HBS1L: variants seen among roughly 807,000 people sequenced by gnomAD.
The protein encoded by HBS1L is HBS1 like translational GTPase.
A neutral mutation model predicts 88.9 loss-of-function variants in HBS1L; 55 were observed. That is an observed-to-expected ratio of 0.62 (90% CI 0.50 to 0.77). The LOEUF is 0.77. HBS1L is among the 30% of genes least tolerant of loss of function. The pLI is 0.00. For synonymous variants in HBS1L, 267 were observed against 288.5 expected, an observed-to-expected ratio of 0.93 and a Z score of 0.76; for missense variants, 741 against 829.3, an observed-to-expected ratio of 0.89 and a Z score of 1.31.
intron 4 of HBS1L, among the ~76,000 whole-genome samples, chr6:135,004,325 C>T (rs1259138747): frequency 2.6e-5 from 4 of 151,322 alleles, no homozygotes; most frequent in Admixed American, 6.6e-5. Context: ...TATATGGTGC[C>T]GTAAAATTTG....
chr6:135,000,550 T>C (rs1775422427), intron 5 of HBS1L, among the ~76,000 whole-genome samples: 1 of 152,146 alleles, frequency 6.6e-6, no homozygotes, highest in South Asian at 2.1e-4. Context: ...TCTACTTACA[T>C]GCACTTACTT....
At chr6:135,047,386 C>G (rs1467831424) in intron 2 of HBS1L, among the ~76,000 whole-genome samples, 1 of 152,198 alleles carries the variant, frequency 6.6e-6, no homozygotes, top group African/African-American at 2.4e-5. Context: ...ACTTCCAAGT[C>G]CTGCAGACCT....
chr6:135,002,250 A>C (rs1775482382), intron 5 of HBS1L, among the ~76,000 whole-genome samples: 1 of 152,158 alleles, frequency 6.6e-6, no homozygotes, highest in Non-Finnish European at 1.5e-5. Flanking sequence ...TATGTTTCAT[A>C]TCATATGTCT....
At chr6:134,977,325 T>C (rs1332821757) in intron 15 of HBS1L, among the ~76,000 whole-genome samples, 1 of 152,036 alleles carries the variant, frequency 6.6e-6, no homozygotes, top group African/African-American at 2.4e-5. Context: ...CAAATATTAT[T>C]ATTGCATGAG....
chr6:135,051,528 A>C (rs752079904), intron 1 of HBS1L, among the ~76,000 whole-genome samples: 16 of 152,230 alleles, frequency 1.1e-4, no homozygotes, highest in Non-Finnish European at 1.9e-4. Flanking sequence ...TCTTTCTGCT[A>C]GTTAAGGTTC....
intron 4 of HBS1L, among the ~76,000 whole-genome samples, chr6:135,024,038 A>G (rs1254668941): frequency 1.3e-5 from 2 of 152,148 alleles, no homozygotes; most frequent in Non-Finnish European, 2.9e-5. Context: ...TAAGAGTGAA[A>G]CCTCGCTCCA....
rs1216126093 is a variant in HBS1L, at chr6:135,037,859, T to C, written c.430+1714A>G. 6 of 1,547,280 alleles carry C rather than the reference T, an allele frequency of 3.9e-6. No homozygotes were observed. In the South Asian group the frequency reaches 7.3e-5, roughly 19 times the overall value. On this transcript the variant is annotated intron_variant, in intron 4 of 17. Coordinates refer to ENST00000367837, the MANE Select transcript of HBS1L (RefSeq NM_006620.4). The stretch of plus-strand genomic sequence containing the variant: ...TTACGTGTGTCAAGTTTCTTTTTTC[T>C]ATGGAGTAAACAGTGAGTTGGAACT...
chr6:134,968,972 A>G (rs1774402067), intron 16 of HBS1L, among the ~76,000 whole-genome samples: 1 of 152,182 alleles, frequency 6.6e-6, no homozygotes, highest in Admixed American at 6.5e-5. Flanking sequence ...GTACATACAT[A>G]TATAAGTTTA....
chr6:134,993,536 T>A (rs1199126455), intron 8 of HBS1L, among the ~76,000 whole-genome samples: 1 of 152,216 alleles, frequency 6.6e-6, no homozygotes, highest in African/African-American at 2.4e-5. Flanking sequence ...ATAGCTTTTA[T>A]ACATTTTGTT....
At chr6:135,012,593 C>T (rs1031785776) in intron 4 of HBS1L, among the ~76,000 whole-genome samples, 1 of 152,090 alleles carries the variant, frequency 6.6e-6, no homozygotes, top group Admixed American at 6.5e-5. Flanking sequence ...TAGCTCTGTA[C>T]AGAAAAAATC....
intron 12 of HBS1L, among the ~76,000 whole-genome samples, chr6:134,983,857 A>C (rs1237493939): frequency 6.6e-6 from 1 of 152,118 alleles, no homozygotes; most frequent in Admixed American, 6.6e-5. Context: ...AGATATAGAG[A>C]GGTCAGAGAT....
intron 16 of HBS1L, among the ~76,000 whole-genome samples, chr6:134,967,340 C>T (rs1485688445): frequency 6.6e-6 from 1 of 152,182 alleles, no homozygotes; most frequent in Non-Finnish European, 1.5e-5. Context: ...AAAAAATACA[C>T]CAAAAATTCC....
intron 1 of HBS1L, among the ~76,000 whole-genome samples, chr6:135,051,178 C>T (rs534302041): frequency 6.6e-6 from 1 of 151,990 alleles, no homozygotes; most frequent in Non-Finnish European, 1.5e-5. Flanking sequence ...TGAGCCAAGA[C>T]CGCGCCACTG....
At position 134,986,053 on chromosome 6, in the gene HBS1L, G is replaced by A; in HGVS notation, c.1423+13C>T. On this transcript the variant is annotated intron_variant, in intron 11 of 17. Transcript: ENST00000367837. ...TTTATAATGCATTAAAGCTAGAATG[G>A]CAGTATACTTACCAATTTGTTCTAA... is the stretch of plus-strand genomic sequence containing the variant. 1.9e-6 allele frequency: 2 copies of A among 1,042,966 alleles called. No individual in the cohort carries two copies. Among genetic ancestry groups the A allele is most frequent in the South Asian group, 2.7e-5 (2 of 74,996 alleles). 64.6% of individuals were successfully genotyped at this position (1,042,966 alleles called of 1,614,324 possible).
chr6:134,965,968 A>G (rs1305093305), intron 17 of HBS1L, among the ~76,000 whole-genome samples: 1 of 152,216 alleles, frequency 6.6e-6, no homozygotes, highest in African/African-American at 2.4e-5. Flanking sequence ...ACCCTTTAAA[A>G]TACAATATTC....
chr6:134,977,121 A>C (rs932567464), intron 15 of HBS1L, among the ~76,000 whole-genome samples: 1 of 152,022 alleles, frequency 6.6e-6, no homozygotes, highest in African/African-American at 2.4e-5. Flanking sequence ...GTAGACTGAC[A>C]AAATATGGCC....
chr6:135,019,897 G>A (rs1174387302), intron 4 of HBS1L, among the ~76,000 whole-genome samples: 1 of 151,832 alleles, frequency 6.6e-6, no homozygotes, highest in Non-Finnish European at 1.5e-5. Context: ...AATTAATATT[G>A]TTTAGGGACT....
At chr6:135,024,138 TC>T (rs1776152933) in intron 4 of HBS1L, among the ~76,000 whole-genome samples, 3 of 151,754 alleles carry the variant, frequency 2.0e-5, no homozygotes, top group South Asian at 4.1e-4. Flanking sequence ...GAGAAAAGGG[TC>T]CCTTAAAACA....
At chr6:134,981,499 T>A (rs1271632050) in intron 13 of HBS1L, among the ~76,000 whole-genome samples, 1 of 151,892 alleles carries the variant, frequency 6.6e-6, no homozygotes, top group Non-Finnish European at 1.5e-5. Flanking sequence ...TCAAGAAATC[T>A]TCTTTTAAAG....
Sources: allele counts gnomAD v4.1 joint callset (sites outside exome capture counted in the v4.1 genomes callset), GRCh38; gene constraint gnomAD v4.1.1; transcripts MANE v1.5; gene names NCBI Gene and HGNC (gene_info 2026-07-23, HGNC 2026-07-21).